EYS: variants seen among roughly 807,000 people sequenced by gnomAD.
EYS encodes EGF-like photoreceptor maintenance factor, also known as protein eyes shut homolog.
A neutral mutation model predicts 282.1 loss-of-function variants in EYS; 250 were observed. That is an observed-to-expected ratio of 0.89 (90% confidence interval 0.80 to 0.98). The LOEUF is 0.98. EYS is among the 50% of genes least tolerant of loss of function. The pLI, the probability that EYS is intolerant of heterozygous loss-of-function variation, is 0.00. For synonymous variants in EYS, 1,355 were observed against 1,282.9 expected, an observed-to-expected ratio of 1.06 and a Z score of -1.20; for missense variants, 4,016 against 3,709.0, an observed-to-expected ratio of 1.08 and a Z score of -2.15.
intron 13 of EYS, among the ~76,000 whole-genome samples, chr6:65,041,752 T>C (rs1772943182): frequency 1.3e-5 from 2 of 151,694 alleles, no homozygotes; most frequent in African/African-American, 4.8e-5. Flanking sequence ...TCATGCTGTA[T>C]ATTTTCTATC....
chr6:65,344,200 A>G (rs1175457661), intron 9 of EYS, 23 bp from the exon 10 acceptor site: 3 of 1,568,594 alleles, frequency 1.9e-6, no homozygotes, highest in Non-Finnish European at 2.6e-6. Context: ...AGAGATAAAA[A>G]ATTAAATAAA....
At chr6:64,416,742 A>C (rs941704497) in intron 28 of EYS, among the ~76,000 whole-genome samples, 3 of 152,144 alleles carry the variant, frequency 2.0e-5, no homozygotes, top group Admixed American at 2.0e-4. Context: ...AAAATTTTCT[A>C]AGTTCCATCC....
At chr6:64,621,607 C>T (rs987775) in intron 23 of EYS, among the ~76,000 whole-genome samples, 91,566 of 151,958 alleles carry the variant, frequency 0.6, 27,734 homozygotes, top group South Asian at 0.68. Context: ...GTTCTAAATG[C>T]AGCCACCTCA....
intron 8 of EYS, among the ~76,000 whole-genome samples, chr6:65,382,969 A>T (rs1765673049): frequency 7.0e-6 from 1 of 143,232 alleles, no homozygotes; most frequent in South Asian, 2.5e-4. Context: ...AGTATTAAGC[A>T]TCACATGCTA....
rs545986802 is a variant in EYS, at chr6:64,007,074, C to A, written c.6726-7891G>T. Among the ~76,000 whole-genome samples the A allele has an allele frequency of 2.4e-3, 372 of 152,192 alleles. 3 individuals carry two copies. The highest frequency in any genetic ancestry group is 8.6e-3 in the African/African-American group (358 of 41,526). On this transcript the variant is annotated intron_variant, in intron 33 of 42. Transcript: ENST00000503581. ...TGGAATAGTTTCAGTAGGAACAGTA[C>A]CAGCTCTTATTTATATTTCTGATAT...
chr6:64,817,612 C>T (rs184210656), intron 21 of EYS, among the ~76,000 whole-genome samples: 28 of 152,214 alleles, frequency 1.8e-4, no homozygotes, highest in African/African-American at 6.7e-4. Flanking sequence ...TCTCCCTCCA[C>T]CCTCTTCTAG....
rs1764661327 is a variant in EYS, at chr6:64,813,510, A to G, written c.3311T>C (p.Ile1104Thr). ...TGCACCAGTGTATCCACGTGGGCAA[A>G]TGCAAGTAAATCCATGTGCTGACTT... is the stretch of plus-strand genomic sequence containing the variant. ...CQKSAHGFTC[I>T]CPRGYTGAYC... is the part of the protein sequence containing the mutation. The change falls in exon 22 of 43, where the codon ATT becomes ACT. Residue 1104 changes from isoleucine to threonine, a missense_variant. Coordinates refer to ENST00000503581, the MANE Select transcript of EYS (RefSeq NM_001142800.2). 1 of 1,550,638 alleles carries G rather than the reference A, an allele frequency of 6.4e-7. No homozygotes were observed.
At chr6:64,616,229 G>A (rs62415849) in intron 24 of EYS, among the ~76,000 whole-genome samples, 8,764 of 152,104 alleles carry the variant, frequency 0.058, 332 homozygotes, top group Middle Eastern at 0.089. Context: ...CTGACTCTTC[G>A]AGGAAGACAT....
chr6:64,327,344 G>C (rs1377293972), intron 29 of EYS, among the ~76,000 whole-genome samples: 1 of 151,968 alleles, frequency 6.6e-6, no homozygotes, highest in Non-Finnish European at 1.5e-5. Context: ...GGAGGAAATG[G>C]GAGGAAAAGT....
At chr6:64,213,663 T>G (rs183904310) in intron 31 of EYS, among the ~76,000 whole-genome samples, 1 of 152,302 alleles carries the variant, frequency 6.6e-6, no homozygotes, top group Admixed American at 6.5e-5. Context: ...CAGAGACTTA[T>G]GAAGCATTAA....
At chr6:65,354,532 T>C (rs751462057) in intron 8 of EYS, among the ~76,000 whole-genome samples, 1 of 151,738 alleles carries the variant, frequency 6.6e-6, no homozygotes, top group Non-Finnish European at 1.5e-5. Flanking sequence ...AAAAAAAAAA[T>C]TGGCGAGGCG....
chr6:65,383,921 A>G (rs1359970465), intron 8 of EYS, among the ~76,000 whole-genome samples: 3 of 151,870 alleles, frequency 2.0e-5, no homozygotes, highest in Non-Finnish European at 4.4e-5. Context: ...TTTCTCTAAT[A>G]GACATACCTA....
chr6:64,544,666 C>T (rs1764794372), intron 26 of EYS, among the ~76,000 whole-genome samples: 1 of 151,950 alleles, frequency 6.6e-6, no homozygotes, highest in African/African-American at 2.4e-5. Flanking sequence ...CAAATAGACA[C>T]AATAAAAAAT....
At chr6:65,509,834 T>G (rs2127286442) in intron 2 of EYS, among the ~76,000 whole-genome samples, 1 of 152,280 alleles carries the variant, frequency 6.6e-6, no homozygotes, top group Admixed American at 6.5e-5. Flanking sequence ...GACTCCCACC[T>G]TGGAATGCTG....
chr6:65,341,977 T>G (rs1479455418), intron 10 of EYS, among the ~76,000 whole-genome samples: 1 of 151,278 alleles, frequency 6.6e-6, no homozygotes, highest in Admixed American at 6.6e-5. Context: ...ATTTACATGA[T>G]TTCTCTTCCC....
chr6:64,151,317 T>TTTTA (rs1554212600), intron 31 of EYS, among the ~76,000 whole-genome samples: 10 of 52,452 alleles, frequency 1.9e-4, no homozygotes, highest in African/African-American at 6.6e-4. Context: ...GTGTGTATAT[T>TTTTA]TATATATATA....
At chr6:64,547,012 G>T (rs1764895656) in intron 26 of EYS, among the ~76,000 whole-genome samples, 2 of 152,110 alleles carry the variant, frequency 1.3e-5, no homozygotes, top group South Asian at 4.1e-4. Context: ...GTTCTTAAAG[G>T]TGGCATGTCT....
At position 65,549,352 on chromosome 6, in the gene EYS, T is replaced by C. The variant is rs145147854; in HGVS notation, c.-332-53359A>G. 2.4e-3 allele frequency among the ~76,000 whole-genome samples: 369 copies of C among 152,346 alleles called. 2 individuals carry two copies. The highest frequency in any genetic ancestry group is 8.7e-3 in the African/African-American group (360 of 41,584). ...TGCAGTATGTTTCCTATATAAACTA[T>C]TTTAAAATACTTTGGCTCTACTTTG... On this transcript the variant is annotated intron_variant, in intron 2 of 42. Coordinates refer to ENST00000503581, the MANE Select transcript of EYS (RefSeq NM_001142800.2).
intron 12 of EYS, among the ~76,000 whole-genome samples, chr6:65,216,651 T>G (rs559058087): frequency 2.0e-5 from 3 of 151,882 alleles, no homozygotes; most frequent in South Asian, 4.1e-4. Flanking sequence ...AAAACCTTTA[T>G]GAAGTTTAGT....
Sources: allele counts gnomAD v4.1 joint callset (sites outside exome capture counted in the v4.1 genomes callset), GRCh38; gene constraint gnomAD v4.1.1; transcripts MANE v1.5; gene names NCBI Gene and HGNC (gene_info 2026-07-23, HGNC 2026-07-21).